The following ZNF131 variants were observed in gnomAD, a reference collection of about 807,000 sequenced individuals.
The protein encoded by ZNF131 is zinc finger protein 131.
In ZNF131, 7 loss-of-function variants were observed where a neutral mutation model predicts 60.0. That is an observed-to-expected ratio of 0.12 (90% CI 0.07 to 0.22). The LOEUF is 0.22. Ranked by LOEUF, ZNF131 falls within the 10% of genes least tolerant of loss-of-function variation. The pLI, the probability that ZNF131 is intolerant of heterozygous loss-of-function variation, is 1.00. For synonymous variants in ZNF131, 257 were observed against 253.2 expected (o/e 1.01, Z -0.14); for missense variants, 493 against 740.9 (o/e 0.67, Z 3.88).
intron 4 of ZNF131, among the ~76,000 whole-genome samples, chr5:43,156,899 A>C (rs1333473287): frequency 6.6e-6 from 1 of 151,908 alleles, no homozygotes; most frequent in Non-Finnish European, 1.5e-5. Flanking sequence ...AAAAAATTAC[A>C]CCTTAATTCT....
intron 4 of ZNF131, among the ~76,000 whole-genome samples, chr5:43,146,798 T>C (rs1165744699): frequency 6.6e-6 from 1 of 151,434 alleles, no homozygotes; most frequent in East Asian, 1.9e-4. Context: ...CCCAGCTACT[T>C]GGGAGGCTGA....
intron 4 of ZNF131, among the ~76,000 whole-genome samples, chr5:43,153,605 C>T (rs78850115): frequency 0.097 from 14,762 of 151,862 alleles, 851 homozygotes; most frequent in East Asian, 0.19. Flanking sequence ...CGTGCCATTG[C>T]ATTCTAACCT....
At chr5:43,167,698 T>G (rs1750531182) in intron 5 of ZNF131, among the ~76,000 whole-genome samples, 1 of 152,190 alleles carries the variant, frequency 6.6e-6, no homozygotes, top group Non-Finnish European at 1.5e-5. Context: ...TATAAAACAG[T>G]GTCAGTGTCC....
chr5:43,135,181 A>T (rs899185938), intron 3 of ZNF131, among the ~76,000 whole-genome samples: 2 of 150,744 alleles, frequency 1.3e-5, no homozygotes, highest in African/African-American at 4.9e-5. Context: ...TATTTTTAGT[A>T]GAGACGGGGT....
chr5:43,148,715 G>A (rs777757566), intron 4 of ZNF131, among the ~76,000 whole-genome samples: 2 of 152,152 alleles, frequency 1.3e-5, no homozygotes, highest in Non-Finnish European at 2.9e-5. Context: ...ATATGTAGTG[G>A]TATGTTATTG....
chr5:43,139,440 C>G (rs970666172), intron 4 of ZNF131, 131 bp downstream of exon 4: 3 of 1,042,424 alleles, frequency 2.9e-6, no homozygotes, highest in Non-Finnish European at 3.8e-6. Context: ...ATTTAAGGAT[C>G]TATTAAAAAA....
chr5:43,171,500 CTG>C (rs1387577188), intron 5 of ZNF131, among the ~76,000 whole-genome samples: 4 of 152,056 alleles, frequency 2.6e-5, no homozygotes, highest in African/African-American at 9.7e-5. Flanking sequence ...TGGTGAAACT[CTG>C]AGCTGAGATC....
chr5:43,163,924 G>A (rs1579883659), intron 5 of ZNF131, among the ~76,000 whole-genome samples: 1 of 152,222 alleles, frequency 6.6e-6, no homozygotes. Flanking sequence ...CATAGATTCA[G>A]ATGATGTTAT....
At chr5:43,160,008 C>T (rs1422622329) in intron 4 of ZNF131, among the ~76,000 whole-genome samples, 1 of 151,988 alleles carries the variant, frequency 6.6e-6, no homozygotes, top group Non-Finnish European at 1.5e-5. Context: ...AACCCCATCT[C>T]TACTAAAAAT....
Position 43,168,898 on chromosome 5 carries a change from A to G in ZNF131, c.1055-4420A>G, listed in dbSNP as rs75130942. ...GGTGACTCCCAGCTTTCTGATGTAG[A>G]TGGCTGTTTGATTGGAGGCTAATTA... is the stretch of plus-strand genomic sequence containing the variant. On this transcript the variant is annotated intron_variant, in intron 5 of 6. Transcript: ENST00000682664. Among the ~76,000 whole-genome samples, 18 of 152,342 alleles carry G rather than the reference A, an allele frequency of 1.2e-4. 1 individual carries two copies. The East Asian group carries it at 2.7e-3, about 23-fold the overall frequency.
At chr5:43,166,359 T>G (rs1354296318) in intron 5 of ZNF131, among the ~76,000 whole-genome samples, 2 of 150,990 alleles carry the variant, frequency 1.3e-5, no homozygotes, top group Non-Finnish European at 3.0e-5. Context: ...GAGAGACAAG[T>G]GACTCTTTTT....
At chr5:43,141,954 C>G (rs1368863728) in intron 4 of ZNF131, among the ~76,000 whole-genome samples, 4 of 152,096 alleles carry the variant, frequency 2.6e-5, no homozygotes, top group Non-Finnish European at 4.4e-5. Flanking sequence ...AGTGTTTAAG[C>G]TTCTACAGAG....
intron 4 of ZNF131, among the ~76,000 whole-genome samples, chr5:43,159,695 C>CAA (rs35599400): frequency 0.07 from 6,499 of 93,204 alleles, 297 homozygotes; most frequent in South Asian, 0.16. Context: ...TACTCTGTCT[C>CAA]AAAAAAAAAA....
intron 3 of ZNF131, among the ~76,000 whole-genome samples, chr5:43,129,862 T>A (rs1209186317): frequency 6.6e-6 from 1 of 152,018 alleles, no homozygotes; most frequent in Non-Finnish European, 1.5e-5. Context: ...TTCACCATGT[T>A]GGTCAAGCTG....
intron 4 of ZNF131, among the ~76,000 whole-genome samples, chr5:43,143,195 G>A (rs1190310728): frequency 6.6e-6 from 1 of 151,844 alleles, no homozygotes; most frequent in Non-Finnish European, 1.5e-5. Context: ...GCTAATTTTT[G>A]TATTTTTAGT....
chr5:43,139,382 G>C lies in ZNF131; in HGVS notation c.371+73G>C, dbSNP rs571473572. The C allele has an allele frequency of 1.5e-5, 21 of 1,372,118 alleles. No individual in the cohort carries two copies. In the African/African-American group the frequency reaches 3.0e-4, roughly 19 times the overall value. The allele number at this position is 1,372,118 out of a possible 1,614,324, so 85.0% of individuals were successfully genotyped here. A position where few individuals can be genotyped will look rare whatever the true frequency, so the allele number is the denominator to read the frequency against. The stretch of plus-strand genomic sequence containing the variant: ...TCATTCTGTTAGTGAAGAACTTACA[G>C]TATGTGTCATGCCATGAAGAACAGA... On this transcript the variant is annotated intron_variant, in intron 4 of 6. Transcript: ENST00000682664.
intron 4 of ZNF131, among the ~76,000 whole-genome samples, chr5:43,141,933 T>C (rs1271859321): frequency 1.3e-5 from 2 of 152,198 alleles, no homozygotes; most frequent in Non-Finnish European, 2.9e-5. Flanking sequence ...GTTGGCTGTT[T>C]ATAATAATGC....
At chr5:43,172,779 G>A (rs1437141702) in intron 5 of ZNF131, among the ~76,000 whole-genome samples, 4 of 151,906 alleles carry the variant, frequency 2.6e-5, no homozygotes, top group Non-Finnish European at 5.9e-5. Flanking sequence ...CCCCTCCTCT[G>A]TGCTACTGCA....
intron 4 of ZNF131, among the ~76,000 whole-genome samples, chr5:43,143,707 G>T (rs1419711826): frequency 6.6e-6 from 1 of 152,004 alleles, no homozygotes; most frequent in Admixed American, 6.6e-5. Context: ...CCACATTTTT[G>T]TTGGGGAGCT....
Sources: allele counts gnomAD v4.1 joint callset (sites outside exome capture counted in the v4.1 genomes callset), GRCh38; gene constraint gnomAD v4.1.1; transcripts MANE v1.5; gene names NCBI Gene and HGNC (gene_info 2026-07-23, HGNC 2026-07-21).